The following CADPS variants were observed in gnomAD, a reference collection of about 807,000 sequenced individuals.
The protein encoded by CADPS is calcium dependent secretion activator, also known as calcium-dependent secretion activator 1.
CADPS carries 57 observed loss-of-function variants against 167.3 expected under a neutral mutation model. The observed-to-expected ratio is 0.34, with a 90% CI of 0.28 to 0.42. The LOEUF (loss-of-function observed/expected upper bound fraction) is 0.42, where lower values mean the gene tolerates loss of function less well. Among genes scored for constraint, CADPS ranks in the 20% least tolerant of loss-of-function variants. CADPS has a pLI of 1.00. For synonymous variants in CADPS, 676 were observed against 635.3 expected (o/e 1.06, Z -0.96); for missense variants, 1,414 against 1,738.1 (o/e 0.81, Z 3.32).
intron 13 of CADPS, chr3:62,530,704 T>C: frequency 7.8e-7 from 1 of 1,289,118 alleles, no homozygotes; most frequent in Non-Finnish European, 1.0e-6. Flanking sequence ...TTTTTTTGGA[T>C]TCCTTTTTGG....
chr3:62,645,525 C>T (rs992343999), intron 6 of CADPS, among the ~76,000 whole-genome samples, 197 bp downstream of exon 6: 4 of 152,130 alleles, frequency 2.6e-5, no homozygotes, highest in Non-Finnish European at 5.9e-5. Flanking sequence ...TTCTTCAGTT[C>T]TCTGCTTTGA....
intron 6 of CADPS, among the ~76,000 whole-genome samples, chr3:62,607,941 T>C (rs2060918116): frequency 6.6e-6 from 1 of 152,186 alleles, no homozygotes; most frequent in Admixed American, 6.5e-5. Flanking sequence ...CAGTAAGGAC[T>C]GAGGTGTTGT....
At chr3:62,553,338 A>G (rs2077606895) in intron 10 of CADPS, among the ~76,000 whole-genome samples, 2 of 152,184 alleles carry the variant, frequency 1.3e-5, no homozygotes, top group Admixed American at 1.3e-4. Flanking sequence ...TTATATTTTT[A>G]ATCAATCCTC....
intron 1 of CADPS, among the ~76,000 whole-genome samples, chr3:62,818,117 T>C (rs573700711): frequency 2.6e-5 from 4 of 152,312 alleles, no homozygotes; most frequent in Non-Finnish European, 5.9e-5. Flanking sequence ...TTTTTAATGC[T>C]TCCTTAACAA....
rs1228557498 is a variant in CADPS, at chr3:62,438,344, G to A, written c.3670-133C>T. The A allele has an allele frequency of 6.2e-6, 4 of 649,786 alleles. No homozygotes were observed. The highest frequency in any genetic ancestry group is 1.1e-5 in the Non-Finnish European group (4 of 361,316). The allele number at this position is 649,786 out of a possible 1,614,324, so 40.3% of individuals were successfully genotyped here. On this transcript the variant is annotated intron_variant, in intron 27 of 29. Transcript: ENST00000383710. This position sits in a 1 kb window ranked among gnomAD's most constrained non-coding sequence, Gnocchi z 4.7. ...TGCTGGATCAGCTTTGTAGGCATGG[G>A]ATTGCTGTCCACAGCCTGGGCTGGT...
chr3:62,532,848 T>C, intron 13 of CADPS, 23 bp downstream of exon 13: 1 of 1,609,968 alleles, frequency 6.2e-7, no homozygotes, highest in Non-Finnish European at 8.5e-7. Flanking sequence ...GGATCACCTC[T>C]AGACACACGA....
intron 18 of CADPS, among the ~76,000 whole-genome samples, chr3:62,494,462 T>C (rs1019993458): frequency 4.6e-5 from 7 of 152,206 alleles, no homozygotes; most frequent in Admixed American, 3.3e-4. Flanking sequence ...AAATGTTGGC[T>C]AGTACTTATT....
rs573211250 is a variant in CADPS at position 62,688,291 on chromosome 3, T to C, written c.889-25897A>G. 1.2e-3 allele frequency among the ~76,000 whole-genome samples: 181 copies of C among 152,082 alleles called. 5 individuals carry two copies. The highest frequency in any genetic ancestry group is 4.2e-3 in the African/African-American group (173 of 41,472). On this transcript the variant is annotated intron_variant, in intron 3 of 29. Transcript: ENST00000383710. ...TTCCTAGACATTGGCAAATGTCCCC[T>C]AGGGGCAAAATATTCTCTATTGAGA...
chr3:62,605,372 G>C (rs2060562503), intron 6 of CADPS, among the ~76,000 whole-genome samples: 1 of 152,156 alleles, frequency 6.6e-6, no homozygotes, highest in African/African-American at 2.4e-5. Flanking sequence ...AGGAATTTTG[G>C]AGTAAGACTC....
chr3:62,466,212 T>A (rs552444087), intron 25 of CADPS, 127 bp downstream of exon 25: 158 of 654,734 alleles, frequency 2.4e-4, no homozygotes, highest in African/African-American at 2.2e-3. Flanking sequence ...CTGGGTGATG[T>A]ACAATCTTGT....
intron 3 of CADPS, among the ~76,000 whole-genome samples, chr3:62,730,704 T>C (rs1283492262): frequency 6.6e-6 from 1 of 152,240 alleles, no homozygotes; most frequent in Non-Finnish European, 1.5e-5. Flanking sequence ...TGCTTTCTCC[T>C]GCAGAAGTCT....
chr3:62,524,714 G>T lies in CADPS; in HGVS notation c.2292-6464C>A, dbSNP rs978456407. ...TCTCTCTCTACTGAACAGTCACAAA[G>T]AATATGGATGCTATGGGCACAAGGA... On this transcript the variant is annotated intron_variant, in intron 13 of 29. Transcript: ENST00000383710. Among the ~76,000 whole-genome samples, 5 of 152,164 alleles carry T rather than the reference G, an allele frequency of 3.3e-5. No individual in the cohort carries two copies. The South Asian group carries it at 1.0e-3, about 32-fold the overall frequency.
intron 6 of CADPS, among the ~76,000 whole-genome samples, chr3:62,622,985 CAACT>C (rs2063426056): frequency 6.6e-6 from 1 of 152,146 alleles, no homozygotes; most frequent in Non-Finnish European, 1.5e-5. Flanking sequence ...TAGAGTTAAT[CAACT>C]AATAAAGAGG....
At chr3:62,500,821 T>C (rs1454814100) in intron 17 of CADPS, among the ~76,000 whole-genome samples, 2 of 152,318 alleles carry the variant, frequency 1.3e-5, no homozygotes, top group East Asian at 3.9e-4. Context: ...AAAAAAAGGT[T>C]CTTAATATTC....
intron 1 of CADPS, among the ~76,000 whole-genome samples, chr3:62,771,314 G>A (rs995062453): frequency 7.9e-5 from 12 of 152,100 alleles, no homozygotes; most frequent in African/African-American, 2.9e-4. Context: ...CTTAGCTCTC[G>A]AATTTCTCAC....
chr3:62,453,537 C>T (rs563038338), intron 26 of CADPS, among the ~76,000 whole-genome samples: 2 of 152,138 alleles, frequency 1.3e-5, no homozygotes, highest in Non-Finnish European at 2.9e-5. Flanking sequence ...AATCTGGATG[C>T]TCTAAGTGCA....
At chr3:62,546,622 C>T (rs913349678) in intron 11 of CADPS, among the ~76,000 whole-genome samples, 6 of 152,120 alleles carry the variant, frequency 3.9e-5, no homozygotes, top group Non-Finnish European at 8.8e-5. Context: ...ATTCAACCAG[C>T]GGTGGATTGA....
At chr3:62,491,562 C>CAT in intron 20 of CADPS, 82 bp from the exon 21 acceptor site, 1 of 811,832 alleles carries the variant, frequency 1.2e-6, no homozygotes, top group East Asian at 2.7e-5. Context: ...CACACAAACA[C>CAT]ACACACACAC....
At chr3:62,759,051 C>T (rs1423221212) in intron 2 of CADPS, among the ~76,000 whole-genome samples, 3 of 152,140 alleles carry the variant, frequency 2.0e-5, no homozygotes, top group Non-Finnish European at 4.4e-5. Flanking sequence ...ACACACACCT[C>T]GTTGCTATTA....
Sources: gnomAD v4.1 joint callset for allele counts (sites outside exome capture counted in the v4.1 genomes callset) on GRCh38, gnomAD v4.1.1 for gene constraint, Gnocchi (gnomAD v3.1) non-coding constraint, MANE v1.5 for transcripts, NCBI Gene and HGNC (gene_info 2026-07-23, HGNC 2026-07-21) for gene names.